Variants in ERBIN observed in about 807,000 individuals in gnomAD.
ERBIN encodes densin-180-like protein.
Under a neutral mutation model 158.4 loss-of-function variants are expected in ERBIN, and 60 were observed. The observed-to-expected ratio is 0.38, with a 90% CI of 0.31 to 0.47. ERBIN has a LOEUF of 0.47. ERBIN is among the 20% of genes least tolerant of loss of function. ERBIN has a pLI of 0.99. For synonymous variants in ERBIN, 594 were observed against 557.2 expected (o/e 1.07, Z -0.93); for missense variants, 1,610 against 1,648.0 (o/e 0.98, Z 0.40).
At chr5:66,042,544 A>G (rs1338937058) in intron 15 of ERBIN, among the ~76,000 whole-genome samples, 2 of 152,100 alleles carry the variant, frequency 1.3e-5, no homozygotes, top group Non-Finnish European at 2.9e-5. Flanking sequence ...CAATGCTCAA[A>G]GGAAATGCTC....
chr5:66,002,703 T>A (rs1442653275), intron 4 of ERBIN, among the ~76,000 whole-genome samples: 2 of 151,802 alleles, frequency 1.3e-5, no homozygotes, highest in Non-Finnish European at 2.9e-5. Flanking sequence ...CTTGAGAAAA[T>A]CTGATGACTG....
chr5:66,008,092 T>C (rs1753811797), intron 4 of ERBIN, among the ~76,000 whole-genome samples: 2 of 152,186 alleles, frequency 1.3e-5, no homozygotes, highest in Admixed American at 6.5e-5. Flanking sequence ...AACCACATGC[T>C]ATGGAATAAA....
At chr5:66,046,093 C>A (rs577324018) in intron 17 of ERBIN, among the ~76,000 whole-genome samples, 3 of 152,248 alleles carry the variant, frequency 2.0e-5, no homozygotes, top group Non-Finnish European at 2.9e-5. Context: ...TCCACACTTA[C>A]AAGCCTTGGC....
chr5:65,983,719 T>C (rs1291890447), intron 1 of ERBIN, among the ~76,000 whole-genome samples: 1 of 152,200 alleles, frequency 6.6e-6, no homozygotes, highest in East Asian at 1.9e-4. Context: ...CGAGTATACA[T>C]GTGTGCCTCC....
chr5:66,017,537 C>CTTTTTTTTTTTTTTTTTTTTTTTTTTTTT (rs1754909330), intron 7 of ERBIN, among the ~76,000 whole-genome samples: 1 of 106,960 alleles, frequency 9.3e-6, no homozygotes, highest in African/African-American at 3.6e-5. Context: ...TTTTTTTTTG[C>CTTTTTTTTTTTTTTTTTTTTTTTTTTTTT]TATTGATTTG....
intron 1 of ERBIN, among the ~76,000 whole-genome samples, chr5:65,948,054 G>A (rs1028239375): frequency 6.6e-6 from 1 of 151,500 alleles, no homozygotes; most frequent in Non-Finnish European, 1.5e-5. Flanking sequence ...TGTGCACATT[G>A]TTTATGTAAG....
chr5:66,027,165 C>T (rs999903373), intron 13 of ERBIN, among the ~76,000 whole-genome samples: 18 of 151,882 alleles, frequency 1.2e-4, no homozygotes, highest in Non-Finnish European at 1.6e-4. Flanking sequence ...ATAGTATTCC[C>T]ATTTTATGTA....
At chr5:65,972,255 G>A (rs983762759) in intron 1 of ERBIN, among the ~76,000 whole-genome samples, 1 of 152,128 alleles carries the variant, frequency 6.6e-6, no homozygotes, top group African/African-American at 2.4e-5. Flanking sequence ...GTATATAAGT[G>A]TTTTCTCAAT....
At chr5:66,020,298 CA>C (rs1755554262) in intron 7 of ERBIN, among the ~76,000 whole-genome samples, 1 of 152,074 alleles carries the variant, frequency 6.6e-6, no homozygotes, top group South Asian at 2.1e-4. Context: ...AGAAATGTTG[CA>C]ACTGAGTTTT....
chr5:65,933,967 C>A (rs922420565), intron 1 of ERBIN, among the ~76,000 whole-genome samples: 2 of 152,062 alleles, frequency 1.3e-5, no homozygotes, highest in African/African-American at 4.8e-5. Context: ...GTGATCTTGG[C>A]TCACTGCAAG....
chr5:65,946,883 A>G (rs1745827978), intron 1 of ERBIN, among the ~76,000 whole-genome samples: 1 of 151,764 alleles, frequency 6.6e-6, no homozygotes, highest in Non-Finnish European at 1.5e-5. Flanking sequence ...CTAATGGCTA[A>G]TATGTGGAAC....
chr5:66,033,056 A>G (rs1290353922), intron 14 of ERBIN, among the ~76,000 whole-genome samples: 1 of 152,140 alleles, frequency 6.6e-6, no homozygotes, highest in Non-Finnish European at 1.5e-5. Flanking sequence ...TCCTGACTTC[A>G]TTTTCTTCTG....
chr5:66,069,116 C>G (rs1580535958), intron 21 of ERBIN: 29 of 1,185,818 alleles, frequency 2.4e-5, no homozygotes, highest in Non-Finnish European at 3.2e-5. Context: ...AATGTTTACT[C>G]TGGGTTAGAA....
Position 66,053,589 on chromosome 5 carries a change from TCA to T in ERBIN, c.2274_2275del (p.His758GlnfsTer10). 6.2e-7 allele frequency: 1 copy of T among 1,610,646 alleles called. No individual in the cohort carries two copies. Among genetic ancestry groups the T allele is most frequent in the Non-Finnish European group, 8.5e-7 (1 of 1,179,054 alleles). ...ACTCAACAGCCACAGCTGATGACAC[TCA>T]CAAATTAGATCATATCAATATGAAT... ...VDSTATADDT[H>X]KLDHINMNLN... On this transcript the variant is annotated frameshift_variant, in exon 21 of 26. Transcript: ENST00000284037. LOFTEE classifies it high-confidence loss of function.
chr5:66,046,599 T>A, intron 18 of ERBIN, 61 bp downstream of exon 18: 1 of 1,335,416 alleles, frequency 7.5e-7, no homozygotes. Context: ...ATTTTATTGT[T>A]GCTAAATAAA....
At chr5:66,032,766 G>T (rs1188642835) in intron 14 of ERBIN, among the ~76,000 whole-genome samples, 1 of 152,130 alleles carries the variant, frequency 6.6e-6, no homozygotes, top group African/African-American at 2.4e-5. Flanking sequence ...AAACAGAACT[G>T]GGGGAAGAGC....
intron 14 of ERBIN, among the ~76,000 whole-genome samples, chr5:66,037,638 GAATT>G (rs1433730420): frequency 4.6e-5 from 7 of 152,164 alleles, no homozygotes; most frequent in Admixed American, 4.6e-4. Context: ...TAGGTGCAAA[GAATT>G]AAGTAATAGG....
chr5:65,978,591 G>A (rs1361980987), intron 1 of ERBIN, among the ~76,000 whole-genome samples: 1 of 152,226 alleles, frequency 6.6e-6, no homozygotes, highest in Non-Finnish European at 1.5e-5. Flanking sequence ...GCCCGCCTGG[G>A]GGCAGGTGCC....
chr5:66,031,538 A>G (rs1177011966), intron 14 of ERBIN, among the ~76,000 whole-genome samples: 1 of 152,238 alleles, frequency 6.6e-6, no homozygotes, highest in Non-Finnish European at 1.5e-5. Context: ...TTATCTCTCA[A>G]AAGAGGAACG....
Sources: gnomAD v4.1 joint callset for allele counts (sites outside exome capture counted in the v4.1 genomes callset) on GRCh38, gnomAD v4.1.1 for gene constraint, MANE v1.5 for transcripts, NCBI Gene and HGNC (gene_info 2026-07-23, HGNC 2026-07-21) for gene names.